Variants in TANC2 observed in about 807,000 individuals in gnomAD.
TANC2 encodes tetratricopeptide repeat, ankyrin repeat and coiled-coil containing 2.
In TANC2, 26 loss-of-function variants were observed where a neutral mutation model predicts 210.5. That is an observed-to-expected ratio of 0.12 (90% CI 0.09 to 0.17). The LOEUF is 0.17. Ranked by LOEUF, TANC2 falls within the 10% of genes least tolerant of loss-of-function variation. TANC2 has a pLI of 1.00. For synonymous variants in TANC2, 931 were observed against 967.1 expected (o/e 0.96, Z 0.69); for missense variants, 2,129 against 2,608.9 (o/e 0.82, Z 4.01).
chr17:63,103,771 C>T (rs1431136305), intron 4 of TANC2, among the ~76,000 whole-genome samples: 1 of 152,100 alleles, frequency 6.6e-6, no homozygotes, highest in South Asian at 2.1e-4. Flanking sequence ...TTTTTAAAGT[C>T]GCACTTTTTA....
chr17:63,409,510 A>T (rs1250518467), intron 21 of TANC2, among the ~76,000 whole-genome samples: 1 of 152,208 alleles, frequency 6.6e-6, no homozygotes, highest in Non-Finnish European at 1.5e-5. Flanking sequence ...TTAATTGACA[A>T]GTAAAAATGG....
At chr17:63,331,547 A>G (rs1416976817) in intron 11 of TANC2, among the ~76,000 whole-genome samples, 1 of 152,228 alleles carries the variant, frequency 6.6e-6, no homozygotes, top group Non-Finnish European at 1.5e-5. Flanking sequence ...TCTTCTTCGT[A>G]TTACTGGTGA....
At chr17:63,168,016 A>G (rs2040273981) in intron 5 of TANC2, among the ~76,000 whole-genome samples, 1 of 152,110 alleles carries the variant, frequency 6.6e-6, no homozygotes, top group Non-Finnish European at 1.5e-5. Flanking sequence ...CTCTGCAACT[A>G]GAGAAATTCC....
At chr17:63,068,016 T>C (rs1036149171) in intron 2 of TANC2, among the ~76,000 whole-genome samples, 4 of 152,174 alleles carry the variant, frequency 2.6e-5, no homozygotes, top group Non-Finnish European at 4.4e-5. Context: ...TATCACTATG[T>C]GATCAATCTG....
chr17:63,235,915 A>G (rs2042608448), intron 7 of TANC2, among the ~76,000 whole-genome samples: 1 of 152,056 alleles, frequency 6.6e-6, no homozygotes, highest in Non-Finnish European at 1.5e-5. Context: ...CTATTTGTGT[A>G]TAATTAGTAG....
chr17:63,061,960 C>T (rs1353057022), intron 2 of TANC2, among the ~76,000 whole-genome samples: 1 of 151,984 alleles, frequency 6.6e-6, no homozygotes, highest in African/African-American at 2.4e-5. Context: ...CTCTTCATTT[C>T]TGAGTTTTTC....
At chr17:63,063,299 C>T (rs1028143140) in intron 2 of TANC2, among the ~76,000 whole-genome samples, 1 of 152,038 alleles carries the variant, frequency 6.6e-6, no homozygotes, top group African/African-American at 2.4e-5. Flanking sequence ...ATGGCGGCTT[C>T]GTCACGTAGG....
chr17:63,172,741 A>C (rs1254298006), intron 5 of TANC2, among the ~76,000 whole-genome samples: 1 of 152,232 alleles, frequency 6.6e-6, no homozygotes, highest in Non-Finnish European at 1.5e-5. Context: ...GAAACTTAGT[A>C]TGTTATAAAT....
At chr17:63,191,486 A>T (rs1050487439) in intron 5 of TANC2, among the ~76,000 whole-genome samples, 4 of 152,006 alleles carry the variant, frequency 2.6e-5, no homozygotes, top group Non-Finnish European at 4.4e-5. Context: ...TTTTTCAGAC[A>T]GGATCTTGCT....
chr17:62,982,727 C>T (rs1255764834), intron 1 of TANC2, among the ~76,000 whole-genome samples: 1 of 152,132 alleles, frequency 6.6e-6, no homozygotes, highest in Non-Finnish European at 1.5e-5. Context: ...AGAGATTTTT[C>T]TGCAATGTAT....
intron 5 of TANC2, among the ~76,000 whole-genome samples, chr17:63,167,661 G>T (rs759638053): frequency 4.6e-5 from 7 of 151,748 alleles, no homozygotes; most frequent in African/African-American, 1.7e-4. Flanking sequence ...AGGTTTGTTT[G>T]CCCAGTGTAA....
intron 4 of TANC2, among the ~76,000 whole-genome samples, chr17:63,143,709 A>G (rs2039369856): frequency 6.6e-6 from 1 of 152,048 alleles, no homozygotes. Context: ...GTATATAGTT[A>G]TTTCATCCCT....
intron 4 of TANC2, among the ~76,000 whole-genome samples, chr17:63,117,551 C>T (rs2038299019): frequency 6.6e-6 from 1 of 152,168 alleles, no homozygotes; most frequent in South Asian, 2.1e-4. Context: ...ATCTCTTGTG[C>T]TTTGGGACCA....
At chr17:63,188,126 A>G (rs912832581) in intron 5 of TANC2, among the ~76,000 whole-genome samples, 1 of 151,926 alleles carries the variant, frequency 6.6e-6, no homozygotes, top group Non-Finnish European at 1.5e-5. Flanking sequence ...TACCCAAAAA[A>G]CCCCAACCAC....
intron 2 of TANC2, among the ~76,000 whole-genome samples, chr17:63,013,331 C>T (rs532431284): frequency 2.0e-5 from 3 of 152,040 alleles, no homozygotes; most frequent in African/African-American, 4.8e-5. Flanking sequence ...TGGCTTCTTC[C>T]GTTTTTTTCT....
chr17:63,063,615 T>TTG (rs142351130), intron 2 of TANC2, among the ~76,000 whole-genome samples: 2,454 of 144,222 alleles, frequency 0.017, 74 homozygotes, highest in African/African-American at 0.055. Context: ...TTACCCAGTA[T>TTG]TGTGTGTGTG....
intron 7 of TANC2, among the ~76,000 whole-genome samples, chr17:63,230,071 C>G (rs2042431985): frequency 6.6e-6 from 1 of 152,166 alleles, no homozygotes; most frequent in African/African-American, 2.4e-5. Flanking sequence ...GATGGGATTA[C>G]TGGTGTGAGC....
intron 14 of TANC2, among the ~76,000 whole-genome samples, chr17:63,359,824 G>A (rs1304037782): frequency 6.6e-5 from 10 of 152,166 alleles, no homozygotes; most frequent in Non-Finnish European, 7.3e-5. Context: ...AGCAAATCCT[G>A]TGATGAATGG....
At chr17:63,042,112 C>A (rs2035211523) in intron 2 of TANC2, among the ~76,000 whole-genome samples, 1 of 152,078 alleles carries the variant, frequency 6.6e-6, no homozygotes, top group Non-Finnish European at 1.5e-5. Flanking sequence ...AATATTCAAC[C>A]CTTCTGTGCG....
Sources: allele counts gnomAD v4.1 joint callset (sites outside exome capture counted in the v4.1 genomes callset), GRCh38; gene constraint gnomAD v4.1.1; transcripts MANE v1.5; gene names NCBI Gene and HGNC (gene_info 2026-07-23, HGNC 2026-07-21).